Variants in TINAG observed in about 807,000 individuals in gnomAD.
The protein encoded by TINAG is tubulointerstitial nephritis antigen.
Under a neutral mutation model 72.7 loss-of-function variants are expected in TINAG, and 83 were observed. That is an observed-to-expected ratio of 1.14 (90% CI 0.96 to 1.37). The LOEUF is 1.37. TINAG is among the 40% of genes most tolerant of loss of function. The pLI, the probability that TINAG is intolerant of heterozygous loss-of-function variation, is 0.00. For synonymous variants in TINAG, 234 were observed against 189.9 expected (o/e 1.23, Z -1.91); for missense variants, 685 against 576.6 (o/e 1.19, Z -1.93).
At chr6:54,346,732 T>A (rs12332867) in intron 5 of TINAG, among the ~76,000 whole-genome samples, 1,613 of 152,032 alleles carry the variant, frequency 0.011, 26 homozygotes, top group African/African-American at 0.037. Flanking sequence ...TAATTTTCAT[T>A]TATATTATGA....
intron 8 of TINAG, among the ~76,000 whole-genome samples, chr6:54,354,148 T>G (rs2150962519): frequency 6.6e-6 from 1 of 151,892 alleles, no homozygotes; most frequent in East Asian, 1.9e-4. Context: ...TTAATTGGGG[T>G]TTTAAAAGGC....
At chr6:54,315,383 G>A (rs1784348413) in intron 1 of TINAG, among the ~76,000 whole-genome samples, 1 of 151,968 alleles carries the variant, frequency 6.6e-6, no homozygotes, top group African/African-American at 2.4e-5. Context: ...GATTTCAAAT[G>A]TCAGGCTGGG....
chr6:54,376,575 A>T (rs1326559266), intron 9 of TINAG, among the ~76,000 whole-genome samples: 1 of 152,190 alleles, frequency 6.6e-6, no homozygotes, highest in African/African-American at 2.4e-5. Context: ...TATGCAAATT[A>T]TTCTGTTCCA....
chr6:54,379,339 T>C (rs1215699942), intron 9 of TINAG, among the ~76,000 whole-genome samples: 1 of 152,160 alleles, frequency 6.6e-6, no homozygotes, highest in African/African-American at 2.4e-5. Flanking sequence ...AAGTCTCCAT[T>C]ATCTCAGTAA....
upstream of TINAG, chr6:54,308,008 G>T (rs2150924032): frequency 6.5e-7 from 1 of 1,544,108 alleles, no homozygotes. Flanking sequence ...ACCAGTGTGT[G>T]ACTGGGCATG....
intron 4 of TINAG, among the ~76,000 whole-genome samples, chr6:54,328,293 T>C (rs1236054766): frequency 6.6e-6 from 1 of 152,152 alleles, no homozygotes; most frequent in East Asian, 1.9e-4. Flanking sequence ...ATCTTTGCTG[T>C]TCTGAAGGCC....
At chr6:54,328,177 A>T (rs911308666) in intron 4 of TINAG, among the ~76,000 whole-genome samples, 2 of 151,932 alleles carry the variant, frequency 1.3e-5, no homozygotes, top group African/African-American at 4.8e-5. Flanking sequence ...TGACTGGGAG[A>T]CACCTCCCAG....
At chr6:54,338,760 T>C (rs1784930050) in intron 4 of TINAG, among the ~76,000 whole-genome samples, 1 of 150,596 alleles carries the variant, frequency 6.6e-6, no homozygotes, top group African/African-American at 2.4e-5. Flanking sequence ...TTCATTGATC[T>C]GCTTCACAAT....
intron 9 of TINAG, among the ~76,000 whole-genome samples, chr6:54,358,772 C>A (rs112951754): frequency 2.6e-5 from 4 of 151,962 alleles, no homozygotes; most frequent in African/African-American, 9.6e-5. Context: ...TTAGCCATCA[C>A]CCCTGAAGGG....
chr6:54,339,551 G>C (rs554960766), intron 4 of TINAG, among the ~76,000 whole-genome samples: 3 of 152,058 alleles, frequency 2.0e-5, no homozygotes, highest in Non-Finnish European at 2.9e-5. Flanking sequence ...CGGGTTGAGG[G>C]GGGTGCATGG....
intron 4 of TINAG, among the ~76,000 whole-genome samples, chr6:54,340,829 T>G (rs1020127968): frequency 6.6e-6 from 1 of 152,168 alleles, no homozygotes; most frequent in African/African-American, 2.4e-5. Flanking sequence ...TTTTTCATTT[T>G]TAAAGAATAA....
At chr6:54,345,287 A>T (rs1426441708) in intron 5 of TINAG, among the ~76,000 whole-genome samples, 1 of 152,198 alleles carries the variant, frequency 6.6e-6, no homozygotes, top group Non-Finnish European at 1.5e-5. Flanking sequence ...AGATTCAGAA[A>T]TGTCGGTATA....
chr6:54,311,187 G>A (rs564200458), intron 1 of TINAG, among the ~76,000 whole-genome samples: 1 of 152,016 alleles, frequency 6.6e-6, no homozygotes, highest in Non-Finnish European at 1.5e-5. Context: ...TTCTCAGACA[G>A]CAACATGTTT....
chr6:54,322,264 C>T (rs540974295), intron 3 of TINAG, among the ~76,000 whole-genome samples: 4 of 151,996 alleles, frequency 2.6e-5, no homozygotes, highest in African/African-American at 4.8e-5. Flanking sequence ...GCCGAGATTG[C>T]GCCACTGCAC....
intron 4 of TINAG, among the ~76,000 whole-genome samples, chr6:54,334,403 C>T (rs1203076716): frequency 4.6e-5 from 7 of 152,122 alleles, no homozygotes; most frequent in African/African-American, 1.4e-4. Flanking sequence ...ATGTAATCAC[C>T]TGAGTTATTG....
At chr6:54,308,991 T>G (rs1784178165) in intron 1 of TINAG, 86 bp downstream of exon 1, 2 of 1,134,620 alleles carry the variant, frequency 1.8e-6, no homozygotes, top group Middle Eastern at 2.0e-4. Context: ...TCTTTCTTTT[T>G]TTCCTTCTTT....
chr6:54,341,582 T>G (rs1784996887), intron 4 of TINAG, among the ~76,000 whole-genome samples: 1 of 152,182 alleles, frequency 6.6e-6, no homozygotes, highest in Admixed American at 6.5e-5. Context: ...TACAAATTTA[T>G]AAATTATTTT....
chr6:54,350,790 C>A (rs891572049), intron 7 of TINAG, among the ~76,000 whole-genome samples: 3 of 151,242 alleles, frequency 2.0e-5, no homozygotes, highest in Non-Finnish European at 2.9e-5. Flanking sequence ...TACAATGGAT[C>A]TTATTAAATA....
intron 9 of TINAG, among the ~76,000 whole-genome samples, chr6:54,359,083 A>G (rs1189200587): frequency 6.6e-6 from 1 of 151,842 alleles, no homozygotes; most frequent in Non-Finnish European, 1.5e-5. Context: ...TTTTGAAATT[A>G]TGACCATTTG....
Sources: allele counts gnomAD v4.1 joint callset (sites outside exome capture counted in the v4.1 genomes callset), GRCh38; gene constraint gnomAD v4.1.1; transcripts MANE v1.5; gene names NCBI Gene and HGNC (gene_info 2026-07-23, HGNC 2026-07-21).